Variants in SLCO1B3 observed in about 807,000 individuals in gnomAD.
SLCO1B3 encodes the protein solute carrier organic anion transporter family member 1B3, also known as liver-specific organic anion transporter 2.
A neutral mutation model predicts 71.8 loss-of-function variants in SLCO1B3; 72 were observed. The ratio of observed to expected loss-of-function variants is 1.00; its 90% CI spans 0.83 to 1.22. The LOEUF (loss-of-function observed/expected upper bound fraction) is 1.22. Ranked by LOEUF, SLCO1B3 falls within the 50% of genes most tolerant of loss-of-function variation. The pLI is 0.00. For synonymous variants in SLCO1B3, 298 were observed against 278.4 expected (o/e 1.07, Z -0.70); for missense variants, 911 against 819.7 (o/e 1.11, Z -1.36).
intron 12 of SLCO1B3, 105 bp from the exon 13 acceptor site, chr12:20,883,313 C>A: frequency 3.2e-6 from 2 of 619,624 alleles, no homozygotes; most frequent in Non-Finnish European, 5.0e-6. Context: ...ATTTTTTAAA[C>A]TGTAAATATT....
intron 2 of SLCO1B3, 55 bp downstream of exon 2, chr12:20,813,693 A>G (rs1028663693): frequency 7.2e-5 from 11 of 152,210 alleles, no homozygotes; most frequent in African/African-American, 2.7e-4. Context: ...TTCAATGTTA[A>G]TGAATCAACA....
chr12:20,837,290 A>G (rs547021389), intron 3 of SLCO1B3, among the ~76,000 whole-genome samples: 40 of 151,610 alleles, frequency 2.6e-4, no homozygotes, highest in African/African-American at 9.7e-4. Context: ...TATTTTCTCT[A>G]TTGAATTCCT....
chr12:20,893,971 C>G (rs755830896), intron 13 of SLCO1B3, among the ~76,000 whole-genome samples: 1 of 152,078 alleles, frequency 6.6e-6, no homozygotes, highest in African/African-American at 2.4e-5. Flanking sequence ...CTCATATACA[C>G]AATAAATTAG....
At chr12:20,876,366 A>G (rs771279371) in intron 9 of SLCO1B3, among the ~76,000 whole-genome samples, 1 of 152,194 alleles carries the variant, frequency 6.6e-6, no homozygotes, top group African/African-American at 2.4e-5. Context: ...TGAAGTAGTA[A>G]AACCTGAAGC....
intron 3 of SLCO1B3, among the ~76,000 whole-genome samples, chr12:20,822,252 A>T (rs1184318222): frequency 2.0e-5 from 3 of 152,090 alleles, no homozygotes; most frequent in African/African-American, 7.2e-5. Context: ...TGTTTATTTC[A>T]CCTGGATGCG....
chr12:20,844,421 C>T (rs182055441), intron 3 of SLCO1B3, among the ~76,000 whole-genome samples: 1 of 151,674 alleles, frequency 6.6e-6, no homozygotes, highest in East Asian at 2.0e-4. Context: ...CAAAAATTAG[C>T]CAGGCATGGT....
intron 12 of SLCO1B3, among the ~76,000 whole-genome samples, chr12:20,881,732 A>T (rs561812859): frequency 4.6e-5 from 7 of 152,224 alleles, no homozygotes; most frequent in African/African-American, 1.4e-4. Context: ...GGTAACTCCC[A>T]ATGATTGGAA....
chr12:20,855,249 G>A (rs1865110064), intron 4 of SLCO1B3, 80 bp downstream of exon 4: 4 of 1,219,954 alleles, frequency 3.3e-6, no homozygotes, highest in Non-Finnish European at 4.6e-6. Context: ...TTATATCACT[G>A]GGTCTGGACT....
At position 20,898,500 on chromosome 12, in the gene SLCO1B3, G is replaced by A; in HGVS notation, c.1747G>A (p.Gly583Arg). 6.6e-7 allele frequency: 1 copy of A among 1,505,654 alleles called. No homozygotes were observed. The highest frequency in any genetic ancestry group is 9.2e-7 in the Non-Finnish European group (1 of 1,087,374). The allele number at this position is 1,505,654 out of a possible 1,614,324, so 93.3% of individuals were successfully genotyped here. A position where few individuals can be genotyped will look rare whatever the true frequency, so the allele number is the denominator to read the frequency against. The change falls in exon 14 of 16, where the codon GGA becomes AGA. Residue 583 changes from glycine (G) to arginine (R), a missense_variant and splice_region_variant. Physicochemically the swap from Gly to Arg is moderately radical, Grantham distance 125. Coordinates refer to ENST00000381545, the MANE Select transcript of SLCO1B3 (RefSeq NM_019844.4). ...GFQSMVIRTLGGILAPIYFGA... is the reference protein window; with the variant it reads ...GFQSMVIRTLRGILAPIYFGA... ...CCAGTCAATGGTTATAAGAACACTA[G>A]GTATGACAAATATATAGATTATACA...
At chr12:20,824,440 G>C (rs553573442) in intron 3 of SLCO1B3, among the ~76,000 whole-genome samples, 1 of 152,200 alleles carries the variant, frequency 6.6e-6, no homozygotes, top group South Asian at 2.1e-4. Flanking sequence ...GTACTCCTCA[G>C]AGTTCAATAG....
At chr12:20,855,305 TA>T in intron 4 of SLCO1B3, 136 bp downstream of exon 4, 1 of 747,030 alleles carries the variant, frequency 1.3e-6, no homozygotes, top group Non-Finnish European at 2.1e-6. Context: ...TATGTTAGGA[TA>T]TTTTTGTTGC....
chr12:20,894,331 A>T (rs1237558925), intron 13 of SLCO1B3, among the ~76,000 whole-genome samples: 1 of 152,168 alleles, frequency 6.6e-6, no homozygotes, highest in East Asian at 1.9e-4. Context: ...GGATGTGAGT[A>T]TGAGCAGGCA....
intron 13 of SLCO1B3, among the ~76,000 whole-genome samples, chr12:20,895,879 ATCT>A (rs984081860): frequency 6.6e-6 from 1 of 152,086 alleles, no homozygotes; most frequent in Non-Finnish European, 1.5e-5. Flanking sequence ...ATTTCCATAC[ATCT>A]TCTGAAATCT....
At chr12:20,839,059 G>A (rs774043572) in intron 3 of SLCO1B3, among the ~76,000 whole-genome samples, 15 of 151,760 alleles carry the variant, frequency 9.9e-5, no homozygotes, top group Non-Finnish European at 1.8e-4. Context: ...TGCTTCATGG[G>A]TAGTGTAACT....
intron 3 of SLCO1B3, among the ~76,000 whole-genome samples, chr12:20,817,635 T>C (rs1165482539): frequency 6.6e-6 from 1 of 152,126 alleles, no homozygotes; most frequent in Non-Finnish European, 1.5e-5. Context: ...TCACCCAGGC[T>C]GGAGTGCAGT....
intron 13 of SLCO1B3, among the ~76,000 whole-genome samples, chr12:20,895,939 G>A (rs992926369): frequency 6.6e-6 from 1 of 152,182 alleles, no homozygotes; most frequent in African/African-American, 2.4e-5. Flanking sequence ...TGCACCCACA[G>A]GCTCAACACC....
chr12:20,819,287 A>T (rs1021007848), intron 3 of SLCO1B3, among the ~76,000 whole-genome samples: 1 of 152,168 alleles, frequency 6.6e-6, no homozygotes, highest in Non-Finnish European at 1.5e-5. Flanking sequence ...CAGGGAGAGC[A>T]TGTGTGTTTT....
At chr12:20,859,490 T>C (rs114411764) in intron 5 of SLCO1B3, among the ~76,000 whole-genome samples, 26,771 of 140,320 alleles carry the variant, frequency 0.19, 2,584 homozygotes, top group Middle Eastern at 0.3. Context: ...TCTGTTTTTT[T>C]CCCCCTCTAC....
intron 3 of SLCO1B3, among the ~76,000 whole-genome samples, chr12:20,824,566 T>C (rs1336806622): frequency 2.0e-5 from 3 of 152,298 alleles, no homozygotes; most frequent in Non-Finnish European, 2.9e-5. Context: ...GTTTCTTCTG[T>C]GGCATACAGC....
Sources: allele counts gnomAD v4.1 joint callset (sites outside exome capture counted in the v4.1 genomes callset), GRCh38; gene constraint gnomAD v4.1.1; transcripts MANE v1.5; gene names NCBI Gene and HGNC (gene_info 2026-07-23, HGNC 2026-07-21).